Variants in HEATR4 observed in about 807,000 individuals in gnomAD.
HEATR4 encodes HEAT repeat containing 4.
A neutral mutation model predicts 108.8 loss-of-function variants in HEATR4; 95 were observed. That is an observed-to-expected ratio of 0.87 (90% CI 0.74 to 1.04). The LOEUF (loss-of-function observed/expected upper bound fraction) is 1.04. Ranked by LOEUF, HEATR4 falls within the 50% of genes least tolerant of loss-of-function variation. HEATR4 has a pLI of 0.00. For missense variants in HEATR4, 1,152 were observed against 1,253.8 expected (o/e 0.92, Z 1.23); for synonymous variants, 443 against 459.4 (o/e 0.96, Z 0.46).
rs757396881 is a variant in HEATR4, at chr14:73,522,429, C to T, written c.724G>A (p.Asp242Asn). Residue 242 changes from aspartate to asparagine, a missense_variant, in exon 3 of 18, where the codon GAC becomes AAC. Physicochemically the swap from Asp to Asn is conservative, Grantham distance 23. Transcript: ENST00000553558. ...KWQSFLRQQY[D>N]WSHIRDELTS... is the part of the protein sequence containing the mutation. ...AGCTCATCCCGAATGTGACTCCAGT[C>T]GTACTGCTGGCGCAGGAAGCTCTGC... 6 of 1,614,130 alleles carry T rather than the reference C, an allele frequency of 3.7e-6. No homozygotes were observed. The highest frequency in any genetic ancestry group is 1.3e-5 in the African/African-American group (1 of 74,938).
chr14:73,614,931 T>C, the HEATR4 span, among the ~76,000 whole-genome samples: 1 of 149,584 alleles, frequency 6.7e-6, no homozygotes, highest in Non-Finnish European at 1.5e-5. Context: ...ACCCCGTCTC[T>C]ACTAAAAATA....
At chr14:73,579,917 A>C in the HEATR4 span, among the ~76,000 whole-genome samples, 2 of 151,776 alleles carry the variant, frequency 1.3e-5, no homozygotes, top group African/African-American at 4.8e-5. Flanking sequence ...ACATGGTAAA[A>C]CTCCATCTCT....
intron 12 of HEATR4, 140 bp downstream of exon 12, chr14:73,500,410 G>A: frequency 8.6e-6 from 7 of 812,120 alleles, no homozygotes; most frequent in Non-Finnish European, 1.3e-5. Flanking sequence ...CCTGTTTGAA[G>A]TGGCTTATAC....
At chr14:73,572,639 A>ATTT in the HEATR4 span, among the ~76,000 whole-genome samples, 1 of 107,174 alleles carries the variant, frequency 9.3e-6, no homozygotes, top group Non-Finnish European at 1.9e-5. Context: ...AGGTGTTTGC[A>ATTT]TTTTTTTTTT....
At chr14:73,612,838 C>A in the HEATR4 span, 2 of 1,428,546 alleles carry the variant, frequency 1.4e-6, no homozygotes, top group Non-Finnish European at 1.9e-6. Context: ...CCGAGAAAGC[C>A]TTGGTGCGGC....
At chr14:73,544,409 T>C (rs1889199951) in intron 1 of HEATR4, among the ~76,000 whole-genome samples, 1 of 116,262 alleles carries the variant, frequency 8.6e-6, no homozygotes, top group Non-Finnish European at 1.9e-5. Context: ...GTTAACATCT[T>C]GCCTATAAAC....
At chr14:73,612,642 G>A in the HEATR4 span, 2 of 1,404,478 alleles carry the variant, frequency 1.4e-6, no homozygotes, top group Non-Finnish European at 1.9e-6. Flanking sequence ...ATCGCAGTGC[G>A]CGGCCTGGCC....
intron 4 of HEATR4, 36 bp from the exon 5 acceptor site, chr14:73,519,199 A>C: frequency 6.3e-7 from 1 of 1,581,670 alleles, no homozygotes; most frequent in South Asian, 1.2e-5. Flanking sequence ...GTCCCCTATA[A>C]CCTCCCTATT....
chr14:73,592,199 G>C, the HEATR4 span: 1,450 of 1,612,074 alleles, frequency 9.0e-4, 9 homozygotes, highest in African/African-American at 0.018. Flanking sequence ...CCATGGGGCT[G>C]CTCTGGGCCC....
chr14:73,503,664 CT>C (rs1478082385), intron 10 of HEATR4, among the ~76,000 whole-genome samples: 2 of 152,138 alleles, frequency 1.3e-5, no homozygotes, highest in East Asian at 3.8e-4. Flanking sequence ...ATAAAAACAT[CT>C]CCTTAGTGAA....
At chr14:73,621,235 G>C in the HEATR4 span, among the ~76,000 whole-genome samples, 67,338 of 109,118 alleles carry the variant, frequency 0.62, 17,133 homozygotes, top group African/African-American at 0.76. Flanking sequence ...GTCTCTGAAC[G>C]CCAGTCTGAA....
rs1242466716 is a variant in HEATR4 at position 73,514,166 on chromosome 14, GC to G, written c.1278del (p.Gln427ArgfsTer14). 2 of 1,614,086 alleles carry G rather than the reference GC, an allele frequency of 1.2e-6. No individual in the cohort carries two copies. Among genetic ancestry groups the G allele is most frequent in the Non-Finnish European group, 1.7e-6 (2 of 1,180,040 alleles). ...ATAGGCACATCCTTCTCACCCACCT[GC>G]AGCAGCATATCCTTGGCGGGGGTGG... ...ALPTPAKDML[L>X]QVGEKDVPIK... On this transcript the variant is annotated frameshift_variant, in exon 6 of 18. Transcript: ENST00000553558. LOFTEE classifies it high-confidence loss of function.
the HEATR4 span, among the ~76,000 whole-genome samples, chr14:73,608,491 C>T: frequency 1.6e-4 from 25 of 152,334 alleles, no homozygotes; most frequent in East Asian, 4.8e-3. Context: ...GTTCATATCA[C>T]TATCAGCATT....
rs187961544 is a variant in HEATR4, at chr14:73,523,272, A to C, written c.-72-48T>G. On this transcript the variant is annotated intron_variant, in intron 2 of 17. Coordinates refer to ENST00000553558, the MANE Select transcript of HEATR4 (RefSeq NM_001220484.1). ...TGATGAGAACTCTAGAGCAGCAGAA[A>C]TTGGTAGCCCATAGCAGTTCAGAAA... is the stretch of plus-strand genomic sequence containing the variant. 2.0e-3 allele frequency: 1,971 copies of C among 982,638 alleles called. 7 individuals are homozygous for C. Among genetic ancestry groups the C allele is most frequent in the Middle Eastern group, 6.8e-3 (21 of 3,074 alleles). 60.9% of individuals were successfully genotyped at this position (982,638 alleles called of 1,614,324 possible).
chr14:73,569,605 T>C, the HEATR4 span: 8 of 1,601,958 alleles, frequency 5.0e-6, 1 homozygote, highest in Non-Finnish European at 6.8e-6. Context: ...CTTGGCGAGC[T>C]GGACCTGGAG....
At chr14:73,592,350 C>T in the HEATR4 span, 11 of 1,594,430 alleles carry the variant, frequency 6.9e-6, no homozygotes, top group South Asian at 1.1e-5. Flanking sequence ...CCACTTCCTC[C>T]CGCCAGGGGT....
the HEATR4 span, among the ~76,000 whole-genome samples, chr14:73,628,603 A>G: frequency 1.3e-5 from 2 of 152,260 alleles, no homozygotes; most frequent in Non-Finnish European, 2.9e-5. Flanking sequence ...AAAATACAAA[A>G]TTAGCCAGGA....
the HEATR4 span, chr14:73,612,959 C>T: frequency 3.2e-6 from 4 of 1,236,744 alleles, no homozygotes; most frequent in East Asian, 3.1e-5. Context: ...GCGCGACTTT[C>T]TCCGGCCGGG....
intron 6 of HEATR4, among the ~76,000 whole-genome samples, chr14:73,513,727 C>CAAAA (rs1887407718): frequency 3.8e-5 from 1 of 26,576 alleles, no homozygotes; most frequent in Non-Finnish European, 6.4e-5. Context: ...AACTACGTCT[C>CAAAA]CAAAAAAAAA....
Sources: allele counts gnomAD v4.1 joint callset (sites outside exome capture counted in the v4.1 genomes callset), GRCh38; gene constraint gnomAD v4.1.1; transcripts MANE v1.5; gene names NCBI Gene and HGNC (gene_info 2026-07-23, HGNC 2026-07-21).